The following SCOC variants were observed in gnomAD, a reference collection of about 807,000 sequenced individuals.
The protein encoded by SCOC is short coiled coil protein.
In SCOC, 7 loss-of-function variants were observed where a neutral mutation model predicts 9.9. That is an observed-to-expected ratio of 0.71 (90% confidence interval 0.40 to 1.33). The LOEUF (loss-of-function observed/expected upper bound fraction) is 1.33, where lower values mean the gene tolerates loss of function less well. SCOC is among the 40% of genes most tolerant of loss of function. The pLI, the probability that SCOC is intolerant of heterozygous loss-of-function variation, is 0.01. For synonymous variants in SCOC, 19 were observed against 28.2 expected (o/e 0.67, Z 1.03); for missense variants, 66 against 89.7 (o/e 0.74, Z 1.07).
intron 2 of SCOC, among the ~76,000 whole-genome samples, chr4:140,350,847 T>C (rs1206363256): frequency 6.6e-6 from 1 of 152,158 alleles, no homozygotes; most frequent in African/African-American, 2.4e-5. Flanking sequence ...TACATTTTCC[T>C]TCCTCTGTTG....
intron 1 of SCOC, 36 bp downstream of exon 1, chr4:140,373,753 C>T: frequency 8.5e-6 from 13 of 1,532,698 alleles, no homozygotes; most frequent in Non-Finnish European, 1.1e-5. Context: ...GGCCTGGCCC[C>T]AGGCGACTAG....
chr4:140,282,239 T>TC (rs1485532996), intron 1 of SCOC, among the ~76,000 whole-genome samples: 3 of 152,210 alleles, frequency 2.0e-5, no homozygotes, highest in Admixed American at 2.0e-4. Flanking sequence ...AAATTCATCC[T>TC]CCTGCAGGTC....
In SCOC at chr4:140,374,001, C is replaced by G. The variant is rs1420709075; in HGVS notation, c.-51+284C>G. 2.0e-5 allele frequency: 12 copies of G among 607,378 alleles called. No individual in the cohort carries two copies. In the East Asian group the frequency reaches 3.8e-4, roughly 19 times the overall value. 37.6% of individuals were successfully genotyped at this position (607,378 alleles called of 1,614,324 possible). A position where few individuals can be genotyped will look rare whatever the true frequency, so the allele number is the denominator to read the frequency against. ...TGACGCAGACATCGTGTAGCTTTCT[C>G]CCCGCAGCTCCTGGGTCGGGAGCCG... On this transcript the variant is annotated intron_variant, in intron 1 of 3. Transcript: ENST00000608372.
chr4:140,265,599 G>C (rs528008550), intron 1 of SCOC, among the ~76,000 whole-genome samples: 1 of 152,302 alleles, frequency 6.6e-6, no homozygotes, highest in East Asian at 1.9e-4. Flanking sequence ...TTATAGCTCA[G>C]CATTTGCCTT....
At chr4:140,288,300 C>T (rs114375562) in intron 1 of SCOC, among the ~76,000 whole-genome samples, 2,067 of 152,088 alleles carry the variant, frequency 0.014, 35 homozygotes, top group African/African-American at 0.042. Context: ...ATACATACCT[C>T]CTACAGATCA....
chr4:140,298,367 C>T (rs958749864), intron 1 of SCOC, among the ~76,000 whole-genome samples: 3 of 152,240 alleles, frequency 2.0e-5, no homozygotes, highest in Admixed American at 2.0e-4. Flanking sequence ...CTTTGCCACT[C>T]GTGTGATCAT....
At chr4:140,340,808 T>TTTTTTTTTTTTTTTTC (rs140552446), upstream of SCOC, among the ~76,000 whole-genome samples, 2 of 111,814 alleles carry the variant, frequency 1.8e-5, no homozygotes, top group African/African-American at 3.1e-5. Flanking sequence ...TTTTTTTTTT[T>TTTTTTTTTTTTTTTTC]AGAGGGATAG....
chr4:140,365,166 A>G lies in SCOC; in HGVS notation c.71-13955A>G, dbSNP rs911450278. Among the ~76,000 whole-genome samples, 3 of 87,658 alleles carry G rather than the reference A, an allele frequency of 3.4e-5. No individual in the cohort carries two copies. In the Admixed American group the frequency reaches 4.3e-4, roughly 12 times the overall value. 57.5% of individuals were successfully genotyped at this position (87,658 alleles called of 152,430 possible). A position where few individuals can be genotyped will look rare whatever the true frequency, so the allele number is the denominator to read the frequency against. On this transcript the variant is annotated intron_variant, in intron 2 of 4. Coordinates refer to the SCOC transcript ENST00000338517. Reference sequence around the variant, plus strand: ...ATCAAAGAAATCATGAAAGATATGGATATGGCAAAAAAAAAAAAAAAGTGA... The same window carrying G: ...ATCAAAGAAATCATGAAAGATATGGGTATGGCAAAAAAAAAAAAAAAGTGA...
At chr4:140,378,279 TGAA>T (rs1560731658) in intron 1 of SCOC, among the ~76,000 whole-genome samples, 1 of 152,166 alleles carries the variant, frequency 6.6e-6, no homozygotes, top group Non-Finnish European at 1.5e-5. Flanking sequence ...AATACTTTAA[TGAA>T]GAAGAATATT....
At position 140,373,678 on chromosome 4, in the gene SCOC, T is replaced by C; in HGVS notation, c.-90T>C. The C allele has an allele frequency of 6.4e-7, 1 of 1,550,802 alleles. No individual in the cohort carries two copies. The highest frequency in any genetic ancestry group is 8.7e-7 in the Non-Finnish European group (1 of 1,146,920). On this transcript the variant is annotated 5_prime_UTR_variant, in exon 1 of 4. Transcript: ENST00000608372. ...GGTCCAAGTGTCCCGGCCTGAGGTG[T>C]CGGCCGGATCCCTCCTTCTCCCGGC... is the stretch of plus-strand genomic sequence containing the variant.
chr4:140,380,194 CTTTTTTT>C (rs993271002), intron 3 of SCOC, among the ~76,000 whole-genome samples: 95 of 108,424 alleles, frequency 8.8e-4, no homozygotes, highest in Non-Finnish European at 3.7e-4. Context: ...TTTTCTTTTT[CTTTTTTT>C]TTTTTTTTTT....
intron 1 of SCOC, among the ~76,000 whole-genome samples, chr4:140,321,841 T>A (rs1438197434): frequency 1.3e-5 from 2 of 152,196 alleles, no homozygotes; most frequent in East Asian, 1.9e-4. Flanking sequence ...CCCCCTCAGA[T>A]TCATGTGTTA....
intron 1 of SCOC, among the ~76,000 whole-genome samples, chr4:140,259,498 C>T (rs553856488): frequency 3.9e-5 from 6 of 152,258 alleles, no homozygotes; most frequent in African/African-American, 1.4e-4. Context: ...TGGCTTGCAC[C>T]TGTAATCTCA....
At chr4:140,346,438 C>CTA (rs1253601255) in intron 2 of SCOC, among the ~76,000 whole-genome samples, 1 of 152,124 alleles carries the variant, frequency 6.6e-6, no homozygotes, top group South Asian at 2.1e-4. Context: ...CTGGTCAGAC[C>CTA]TATCGCTGTC....
At chr4:140,313,395 G>C (rs932367060) in intron 1 of SCOC, among the ~76,000 whole-genome samples, 2 of 152,112 alleles carry the variant, frequency 1.3e-5, no homozygotes, top group Admixed American at 1.3e-4. Context: ...GGGATCATAG[G>C]CCCGTGTCAC....
intron 2 of SCOC, among the ~76,000 whole-genome samples, chr4:140,351,952 C>T (rs533024857): frequency 2.6e-5 from 4 of 152,318 alleles, no homozygotes; most frequent in African/African-American, 7.2e-5. Context: ...TTGCAGCCAG[C>T]GCCATGCTCC....
At chr4:140,283,183 T>TG in intron 1 of SCOC, among the ~76,000 whole-genome samples, 1 of 152,214 alleles carries the variant, frequency 6.6e-6, no homozygotes, top group South Asian at 2.1e-4. Flanking sequence ...ATATTTAACA[T>TG]GAAAAAAATA....
rs188020424 is a variant in SCOC at position 140,327,555 on chromosome 4, C to T, written c.-18-16066C>T. 1.5e-3 allele frequency among the ~76,000 whole-genome samples: 225 copies of T among 152,302 alleles called. 1 individual carries two copies. The highest frequency in any genetic ancestry group is 5.1e-3 in the Admixed American group (78 of 15,290). On this transcript the variant is annotated intron_variant, in intron 1 of 4. Coordinates refer to the SCOC transcript ENST00000394205. ...TGGCACATGGCTGTAGTCCTAGCTACTTGGGAGGCTGGGGCTTGATCCCAG... is the reference window on the plus strand; with the variant it reads ...TGGCACATGGCTGTAGTCCTAGCTATTTGGGAGGCTGGGGCTTGATCCCAG...
intron 1 of SCOC, among the ~76,000 whole-genome samples, chr4:140,301,922 C>A (rs895647648): frequency 5.3e-5 from 8 of 152,330 alleles, no homozygotes; most frequent in Middle Eastern, 3.4e-3. Context: ...GCCTTGCCCT[C>A]CCAGGCTCAA....
Sources: gnomAD v4.1 joint callset for allele counts (sites outside exome capture counted in the v4.1 genomes callset) on GRCh38, gnomAD v4.1.1 for gene constraint, MANE v1.5 for transcripts, NCBI Gene and HGNC (gene_info 2026-07-23, HGNC 2026-07-21) for gene names.